DALRD3: variants seen among roughly 807,000 people sequenced by gnomAD.
DALRD3 encodes the protein DALR anticodon binding domain containing 3, also known as DALR anticodon-binding domain-containing protein 3.
A neutral mutation model predicts 56.7 loss-of-function variants in DALRD3; 47 were observed. The observed-to-expected ratio is 0.83, with a 90% CI of 0.66 to 1.06. DALRD3 has a LOEUF of 1.06. DALRD3 is among the 50% of genes least tolerant of loss of function. The probability of loss-of-function intolerance (pLI) is 0.00; values close to 1 mark genes in which losing one functional copy is unlikely to be tolerated. For missense variants in DALRD3, 787 were observed against 724.0 expected, an observed-to-expected ratio of 1.09 and a Z score of -1.00; for synonymous variants, 347 against 308.5, an observed-to-expected ratio of 1.12 and a Z score of -1.31.
Position 49,015,577 on chromosome 3 carries a change from C to G in DALRD3, c.*11G>C. 6.2e-7 allele frequency: 1 copy of G among 1,613,766 alleles called. No homozygotes were observed. Among genetic ancestry groups the G allele is most frequent in the South Asian group, 1.1e-5 (1 of 91,044 alleles). On this transcript the variant is annotated 3_prime_UTR_variant, in exon 12 of 12. Coordinates refer to ENST00000341949, the MANE Select transcript of DALRD3 (RefSeq NM_001009996.3). ...TTGTGAACATTCCCAGGTATTGGAG[C>G]CTCTGTGGCCTTAAATGTGGCTCAG...
intron 5 of DALRD3, 95 bp from the exon 6 acceptor site, chr3:49,016,942 C>T: frequency 1.4e-6 from 2 of 1,437,290 alleles, no homozygotes; most frequent in Non-Finnish European, 1.9e-6. Flanking sequence ...TCAGCCCAGA[C>T]TCCCTCAAAT....
At chr3:49,016,930 A>G (rs977224570) in intron 5 of DALRD3, 83 bp from the exon 6 acceptor site, 1 of 1,512,104 alleles carries the variant, frequency 6.6e-7, no homozygotes, top group African/African-American at 1.4e-5. Flanking sequence ...TGGTGCCTCT[A>G]CTCAGCCCAG....
chr3:49,018,471 T>C lies in DALRD3; in HGVS notation c.94A>G (p.Thr32Ala). 1 of 1,586,142 alleles carries C rather than the reference T, an allele frequency of 6.3e-7. No homozygotes were observed. The highest frequency in any genetic ancestry group is 2.3e-5 in the East Asian group (1 of 43,248). The stretch of plus-strand genomic sequence containing the variant: ...AAGTCTCGGGAACGCAGGTGGCGGG[T>C]GCGCGTCTCCTTGATCCACACCGGA... Reference protein sequence around the residue: ...GGPVWIKETRTRHLRSRDFLA... With the variant: ...GGPVWIKETRARHLRSRDFLA... The change falls in exon 1 of 12, where the codon ACC becomes GCC. Residue 32 changes from threonine (T) to alanine (A), a missense_variant. Coordinates refer to ENST00000341949, the MANE Select transcript of DALRD3 (RefSeq NM_001009996.3).
rs1326373624 is a variant in DALRD3 at position 49,016,250 on chromosome 3, G to A, written c.1237C>T (p.Leu413Phe). ...ATACTACACTTGTAACTCTCAAAGA[G>A]TGTGGCAAGACGGGCACAATTATAC... ...VMYNCARLAT[L>F]FESYKCSMEQ... Residue 413 changes from leucine (L) to phenylalanine (F), a missense_variant, in exon 9 of 12, where the codon CTC becomes TTC. Leu to Phe is a conservative substitution (Grantham distance 22). Coordinates refer to ENST00000341949, the MANE Select transcript of DALRD3 (RefSeq NM_001009996.3). 23 of 1,614,186 alleles carry A rather than the reference G, an allele frequency of 1.4e-5. No homozygotes were observed. Among genetic ancestry groups the A allele is most frequent in the Non-Finnish European group, 1.6e-5 (19 of 1,180,018 alleles).
chr3:49,016,765 C>T lies in DALRD3; in HGVS notation c.1001+9G>A. On this transcript the variant is annotated intron_variant, in intron 6 of 11. Coordinates refer to ENST00000341949, the MANE Select transcript of DALRD3 (RefSeq NM_001009996.3). ...GGCTTAGGTTGGTGTTCCTCCCAGC[C>T]TCACTCACTCGTAGTACTCAGGGGC... The T allele has an allele frequency of 6.2e-7, 1 of 1,613,950 alleles. No homozygotes were observed. Among genetic ancestry groups the T allele is most frequent in the Non-Finnish European group, 8.5e-7 (1 of 1,179,838 alleles).
Position 49,017,476 on chromosome 3 carries a change from T to C in DALRD3, c.756A>G (p.Gln252=), listed in dbSNP as rs1439660259. 4.3e-6 allele frequency: 7 copies of C among 1,613,996 alleles called. No homozygotes were observed. The highest frequency in any genetic ancestry group is 4.2e-6 in the Non-Finnish European group (5 of 1,180,044). The change falls in exon 4 of 12, where the codon CAA becomes CAG. Residue 252 remains glutamine (Q), a synonymous_variant. Transcript: ENST00000341949. ...EDLLSVLAEL[Q]EALWHWPEDS... ...CCTCGGGCCAATGCCATAGAGCCTC[T>C]TGCAGCTCAGCCAGCACAGAGAGGA...
chr3:49,017,900 A>G, intron 2 of DALRD3, 31 bp from the exon 3 acceptor site: 3 of 1,580,536 alleles, frequency 1.9e-6, no homozygotes, highest in Non-Finnish European at 2.6e-6. Context: ...CCTCAGTCTG[A>G]GCACCTGGTC....
Position 49,016,259 on chromosome 3 carries a change from G to C in DALRD3, c.1228C>G (p.Leu410Val). Reference sequence around the variant, plus strand: ...TTGTAACTCTCAAAGAGTGTGGCAAGACGGGCACAATTATACATGACAAAG... The same window carrying C: ...TTGTAACTCTCAAAGAGTGTGGCAACACGGGCACAATTATACATGACAAAG... ...GTFVMYNCAR[L>V]ATLFESYKCS... The change falls in exon 9 of 12, where the codon CTT (leucine) becomes GTT (valine). Residue 410 changes from leucine to valine, a missense_variant. Transcript: ENST00000341949. The C allele has an allele frequency of 1.9e-6, 3 of 1,614,144 alleles. No individual in the cohort carries two copies. The highest frequency in any genetic ancestry group is 2.5e-6 in the Non-Finnish European group (3 of 1,180,006).
At chr3:49,020,870 G>T (rs1352953689), upstream of DALRD3, 1 of 295,516 alleles carries the variant, frequency 3.4e-6, no homozygotes, top group Non-Finnish European at 7.1e-6. Context: ...AATAGAAGGG[G>T]AGGTGGGGGC....
In DALRD3 at chr3:49,016,627, C is replaced by T. The variant is rs781141869; in HGVS notation, c.1048G>A (p.Gly350Arg). The change falls in exon 7 of 12, where the codon GGG becomes AGG. Residue 350 changes from glycine (G) to arginine (R), a missense_variant. Coordinates refer to ENST00000341949, the MANE Select transcript of DALRD3 (RefSeq NM_001009996.3). Reference protein sequence around the residue: ...VCKASALKHGGDLAQDPAWTE... With the variant: ...VCKASALKHGRDLAQDPAWTE... ...CCAGGCACACCTTGTGCCAGATCCC[C>T]ACCATGCTTCAGTGCTGAGGCCTTG... The T allele has an allele frequency of 3.8e-6, 6 of 1,586,260 alleles. No homozygotes were observed. In the African/African-American group the frequency reaches 6.7e-5, roughly 18 times the overall value.
chr3:49,016,735 A>T, intron 6 of DALRD3, 39 bp downstream of exon 6: 4 of 1,613,888 alleles, frequency 2.5e-6, no homozygotes, highest in Non-Finnish European at 3.4e-6. Flanking sequence ...CCCCCTCATT[A>T]CCCTGGCTTA....
intron 10 of DALRD3, 48 bp from the exon 11 acceptor site, chr3:49,015,920 C>T (rs1432256498): frequency 6.2e-7 from 1 of 1,614,006 alleles, no homozygotes; most frequent in Non-Finnish European, 8.5e-7. Context: ...CTCTTGTGCC[C>T]CAGGCCAGAA....
At chr3:49,019,560 A>G (rs1297525208), upstream of DALRD3, among the ~76,000 whole-genome samples, 1 of 147,822 alleles carries the variant, frequency 6.8e-6, no homozygotes, top group Non-Finnish European at 1.5e-5. Flanking sequence ...GCTCACCGCA[A>G]CCTCCCCCTC....
Position 49,018,405 on chromosome 3 carries a change from C to T in DALRD3, c.160G>A (p.Gly54Ser), listed in dbSNP as rs750342710. The change falls in exon 1 of 12, where the codon GGC becomes AGC. Residue 54 changes from glycine to serine, a missense_variant. Coordinates refer to ENST00000341949, the MANE Select transcript of DALRD3 (RefSeq NM_001009996.3). ...CCCGCCCGGCTCACGCCCACCTGGC[C>T]GTCATCGAAGCGCGCCTGCAGCGCG... Reference protein sequence around the residue: ...HRALQARFDDGQVPEHLLHAL... With the variant: ...HRALQARFDDSQVPEHLLHAL... 1 of 1,568,490 alleles carries T rather than the reference C, an allele frequency of 6.4e-7. No homozygotes were observed. Among genetic ancestry groups the T allele is most frequent in the Non-Finnish European group, 8.6e-7 (1 of 1,159,056 alleles).
At chr3:49,020,344 TC>T (rs1354950974), upstream of DALRD3, 23 of 451,990 alleles carry the variant, frequency 5.1e-5, no homozygotes, top group South Asian at 1.6e-5. Context: ...GGGTGGTTTT[TC>T]CCCAGGAAGT....
chr3:49,017,924 C>T, intron 2 of DALRD3, 55 bp from the exon 3 acceptor site: 4 of 1,547,868 alleles, frequency 2.6e-6, no homozygotes, highest in Non-Finnish European at 3.5e-6. Flanking sequence ...CTCGCCACGA[C>T]TTCCCACCTC....
chr3:49,017,747 G>C lies in DALRD3; in HGVS notation c.584C>G (p.Ala195Gly). Reference protein sequence around the residue: ...RASSHTLRSHALEELTSANDG... With the variant: ...RASSHTLRSHGLEELTSANDG... Reference sequence around the variant, plus strand: ...ATTAGCAGAGGTAAGTTCTTCAAGGGCGTGGCTCCTCAGGGTGTGGGAGGA... The same window carrying C: ...ATTAGCAGAGGTAAGTTCTTCAAGGCCGTGGCTCCTCAGGGTGTGGGAGGA... Residue 195 changes from alanine (A) to glycine (G), a missense_variant, in exon 3 of 12, where the codon GCC (alanine) becomes GGC (glycine). Coordinates refer to ENST00000341949, the MANE Select transcript of DALRD3 (RefSeq NM_001009996.3). 6.2e-7 allele frequency: 1 copy of C among 1,614,028 alleles called. No individual in the cohort carries two copies. Among genetic ancestry groups the C allele is most frequent in the Non-Finnish European group, 8.5e-7 (1 of 1,180,042 alleles).
At chr3:49,020,045 G>A, upstream of DALRD3, 1 of 502,664 alleles carries the variant, frequency 2.0e-6, no homozygotes, top group Non-Finnish European at 4.0e-6. Context: ...AGCTAACTCA[G>A]TAGAGAGAGT....
At position 49,018,082 on chromosome 3, in the gene DALRD3, C is replaced by T. The variant is rs1420368951; in HGVS notation, c.402G>A (p.Leu134=). The part of the protein sequence containing the change: ...ALRSSPCALR[L]SQLRTVLVAD... ...CCACGAGCACCGTACGCAGCTGGCT[C>T]AAGCGGAGTGCGCAGGGGGAGCTGC... Residue 134 remains leucine, a synonymous_variant, in exon 2 of 12, where the codon TTG becomes TTA. Coordinates refer to ENST00000341949, the MANE Select transcript of DALRD3 (RefSeq NM_001009996.3). 6.7e-7 allele frequency: 1 copy of T among 1,490,100 alleles called. No individual in the cohort carries two copies. Among genetic ancestry groups the T allele is most frequent in the Admixed American group, 2.4e-5 (1 of 41,896 alleles). The allele number at this position is 1,490,100 out of a possible 1,614,324, so 92.3% of individuals were successfully genotyped here.
Sources: allele counts gnomAD v4.1 joint callset (sites outside exome capture counted in the v4.1 genomes callset), GRCh38; gene constraint gnomAD v4.1.1; transcripts MANE v1.5; gene names NCBI Gene and HGNC (gene_info 2026-07-23, HGNC 2026-07-21).